Variants in DNAJC18 observed in about 807,000 individuals in gnomAD.
DNAJC18 encodes the protein dnaJ homolog subfamily C member 18.
Under a neutral mutation model 48.6 loss-of-function variants are expected in DNAJC18, and 40 were observed. The observed-to-expected ratio is 0.82, with a 90% CI of 0.64 to 1.07. DNAJC18 has a LOEUF of 1.07. DNAJC18 is among the 50% of genes least tolerant of loss of function. DNAJC18 has a pLI of 0.00. For synonymous variants in DNAJC18, 135 were observed against 152.2 expected (o/e 0.89, Z 0.83); for missense variants, 340 against 427.7 (o/e 0.79, Z 1.81).
chr5:139,420,641 T>C (rs1345878311), intron 6 of DNAJC18, among the ~76,000 whole-genome samples: 3 of 150,904 alleles, frequency 2.0e-5, no homozygotes, highest in Non-Finnish European at 4.4e-5. Context: ...AAAAAACAGA[T>C]AGCTCACACC....
intron 7 of DNAJC18, among the ~76,000 whole-genome samples, chr5:139,416,558 G>A (rs1561997456): frequency 6.6e-6 from 1 of 152,254 alleles, no homozygotes; most frequent in Non-Finnish European, 1.5e-5. Context: ...CACTTTCTAT[G>A]TGCCAGACAC....
chr5:139,411,997 G>T lies in DNAJC18; in HGVS notation c.*2151C>A, dbSNP rs939440714. ...TAACCTCCCTCAGTCACTCAGAGGG[G>T]ATCAAGAAGGGCCCCCTAAAACCAG... On this transcript the variant is annotated 3_prime_UTR_variant, in exon 8 of 8. Coordinates refer to ENST00000302060, the MANE Select transcript of DNAJC18 (RefSeq NM_152686.4). 1 of 152,108 alleles carries T rather than the reference G, an allele frequency of 6.6e-6. No homozygotes were observed. Among genetic ancestry groups the T allele is most frequent in the African/African-American group, 2.4e-5 (1 of 41,418 alleles). The allele number at this position is 152,108 out of a possible 1,614,324, so 9.4% of individuals were successfully genotyped here.
In DNAJC18 at chr5:139,439,185, T is replaced by G. The variant is rs1750741053; in HGVS notation, c.40+221A>C. On this transcript the variant is annotated intron_variant, in intron 1 of 7. Transcript: ENST00000302060. The surrounding 1 kb of genome is among the most constrained non-coding windows in gnomAD (Gnocchi z 4.1). Reference sequence around the variant, plus strand: ...GGCGGGGCACGGGCGGGGGCGGGGCTGGGGGCCGGAGGCAACAAGTCGTCA... The same window carrying G: ...GGCGGGGCACGGGCGGGGGCGGGGCGGGGGGCCGGAGGCAACAAGTCGTCA... Among the ~76,000 whole-genome samples the G allele has an allele frequency of 6.7e-6, 1 of 148,264 alleles. No homozygotes were observed. Among genetic ancestry groups the G allele is most frequent in the African/African-American group, 2.5e-5 (1 of 40,362 alleles).
At chr5:139,415,227 T>G (rs1759054445) in intron 7 of DNAJC18, among the ~76,000 whole-genome samples, 1 of 152,234 alleles carries the variant, frequency 6.6e-6, no homozygotes, top group Non-Finnish European at 1.5e-5. Flanking sequence ...ATTTTGTTTT[T>G]CTTGGTGGAA....
chr5:139,426,075 C>T, intron 4 of DNAJC18, 97 bp downstream of exon 4: 1 of 1,313,650 alleles, frequency 7.6e-7, no homozygotes, highest in Non-Finnish European at 1.1e-6. Context: ...CTGTTTCCAT[C>T]ATACCATTGT....
At chr5:139,424,859 T>C in intron 5 of DNAJC18, 146 bp downstream of exon 5, 1 of 682,108 alleles carries the variant, frequency 1.5e-6, no homozygotes, top group East Asian at 2.9e-5. Context: ...TTTCCAGCTC[T>C]TCTAACCATT....
At chr5:139,420,307 AT>A (rs1759133455) in intron 6 of DNAJC18, 82 bp from the exon 7 acceptor site, 1 of 1,333,478 alleles carries the variant, frequency 7.5e-7, no homozygotes, top group South Asian at 1.5e-5. Flanking sequence ...AGATATCATC[AT>A]CATCATCTGC....
At chr5:139,421,411 T>C (rs1250695449) in intron 6 of DNAJC18, among the ~76,000 whole-genome samples, 1 of 152,120 alleles carries the variant, frequency 6.6e-6, no homozygotes, top group Non-Finnish European at 1.5e-5. Flanking sequence ...ATTGCACCAC[T>C]GCACTTCAGC....
At chr5:139,414,834 CT>C (rs1298894808) in intron 7 of DNAJC18, among the ~76,000 whole-genome samples, 1 of 152,236 alleles carries the variant, frequency 6.6e-6, no homozygotes, top group Non-Finnish European at 1.5e-5. Context: ...GCAGCTGGGC[CT>C]TTCTAAAAGT....
chr5:139,435,705 G>GGTTTTTTTT (rs1750627891), intron 2 of DNAJC18, among the ~76,000 whole-genome samples: 1 of 41,194 alleles, frequency 2.4e-5, no homozygotes, highest in Non-Finnish European at 3.8e-5. Context: ...TTCATTGGAA[G>GGTTTTTTTT]TTTTTTTTTT....
At chr5:139,434,846 TTTTA>T in intron 2 of DNAJC18, among the ~76,000 whole-genome samples, 1 of 152,264 alleles carries the variant, frequency 6.6e-6, no homozygotes, top group Non-Finnish European at 1.5e-5. Flanking sequence ...TTTGGATGGC[TTTTA>T]TTTCTTTTTC....
At position 139,412,990 on chromosome 5, in the gene DNAJC18, C is replaced by T. The variant is rs1179929480; in HGVS notation, c.*1158G>A. On this transcript the variant is annotated 3_prime_UTR_variant, in exon 8 of 8. Transcript: ENST00000302060. ...TTGACACTCAGCCTACCGTCTTGCT[C>T]TGCCACTACAAGACCTGGGTCATCC... The T allele has an allele frequency of 3.3e-5, 13 of 398,148 alleles. No homozygotes were observed. In the East Asian group the frequency reaches 4.6e-4, roughly 14 times the overall value. 24.7% of individuals were successfully genotyped at this position (398,148 alleles called of 1,614,324 possible). A position where few individuals can be genotyped will look rare whatever the true frequency, so the allele number is the denominator to read the frequency against.
Position 139,428,620 on chromosome 5 carries a change from C to T in DNAJC18, c.291G>A (p.Glu97=), listed in dbSNP as rs1759279440. Residue 97 remains glutamate (E), a synonymous_variant, in exon 3 of 8, where the codon GAG becomes GAA. Coordinates refer to ENST00000302060, the MANE Select transcript of DNAJC18 (RefSeq NM_152686.4). ...CGAGTTTTCTGTAAGCTTTCTTAAG[C>T]TCTTCGTCACTAGCATCTCGAGAAA... ...LGVSRDASDE[E]LKKAYRKLAL... is the part of the protein sequence containing the mutation. The T allele has an allele frequency of 8.7e-6, 14 of 1,613,920 alleles. No individual in the cohort carries two copies. The highest frequency in any genetic ancestry group is 1.2e-5 in the Non-Finnish European group (14 of 1,179,962).
In DNAJC18 at chr5:139,411,314, T is replaced by C. The variant is rs1758990629; in HGVS notation, c.*2834A>G. On this transcript the variant is annotated 3_prime_UTR_variant, in exon 8 of 8. Transcript: ENST00000302060. Reference sequence around the variant, plus strand: ...GTGCGGTAGAGAGAGCATCTTCATTTGAATGAGAGCTTCAGTTTCTGCTTG... The same window carrying C: ...GTGCGGTAGAGAGAGCATCTTCATTCGAATGAGAGCTTCAGTTTCTGCTTG... 1.3e-5 allele frequency: 2 copies of C among 152,230 alleles called. No homozygotes were observed. Among genetic ancestry groups the C allele is most frequent in the African/African-American group, 4.8e-5 (2 of 41,454 alleles). 9.4% of individuals were successfully genotyped at this position (152,230 alleles called of 1,614,324 possible). A position where few individuals can be genotyped will look rare whatever the true frequency, so the allele number is the denominator to read the frequency against.
intron 3 of DNAJC18, among the ~76,000 whole-genome samples, 190 bp downstream of exon 3, chr5:139,428,348 G>A (rs1160290491): frequency 1.3e-5 from 2 of 152,102 alleles, no homozygotes; most frequent in Non-Finnish European, 2.9e-5. Context: ...AGTGAGCTGA[G>A]ATGTCACCAC....
At chr5:139,417,858 GCCA>G (rs1759093505) in intron 7 of DNAJC18, among the ~76,000 whole-genome samples, 1 of 152,110 alleles carries the variant, frequency 6.6e-6, no homozygotes, top group African/African-American at 2.4e-5. Context: ...ACAGGCATGA[GCCA>G]CCACACCTGG....
At chr5:139,435,223 C>A (rs932687110) in intron 2 of DNAJC18, among the ~76,000 whole-genome samples, 1 of 151,934 alleles carries the variant, frequency 6.6e-6, no homozygotes, top group South Asian at 2.1e-4. Context: ...CATGGTGGTG[C>A]GCGTCTGTAG....
At chr5:139,425,834 T>C (rs1373857812) in intron 4 of DNAJC18, among the ~76,000 whole-genome samples, 3 of 152,250 alleles carry the variant, frequency 2.0e-5, no homozygotes, top group Non-Finnish European at 4.4e-5. Flanking sequence ...CTATCTTCTA[T>C]CTTTGTAAGT....
At position 139,437,533 on chromosome 5, in the gene DNAJC18, G is replaced by T; in HGVS notation, c.66C>A (p.Asn22Lys). ...CAGGAGGTGTGTCTTCTGGGTATTT[G>T]TTTCTTCTAACTGCGTCAATGTAAG... ...TEAYIDAVRR[N>K]KYPEDTPPES... The change falls in exon 2 of 8, where the codon AAC becomes AAA. Residue 22 changes from asparagine (N) to lysine (K), a missense_variant. Physicochemically the swap from Asn to Lys is moderately conservative, Grantham distance 94. Transcript: ENST00000302060. 6.2e-7 allele frequency: 1 copy of T among 1,612,964 alleles called. No individual in the cohort carries two copies.
Sources: allele counts gnomAD v4.1 joint callset (sites outside exome capture counted in the v4.1 genomes callset), GRCh38; gene constraint gnomAD v4.1.1; non-coding constraint Gnocchi (gnomAD v3.1); transcripts MANE v1.5; gene names NCBI Gene and HGNC (gene_info 2026-07-23, HGNC 2026-07-21).